Variants in MAP2 observed in about 807,000 individuals in gnomAD.
MAP2 encodes the protein microtubule-associated protein 2.
MAP2 carries 14 observed loss-of-function variants against 137.6 expected under a neutral mutation model. The ratio of observed to expected loss-of-function variants is 0.10; its 90% CI spans 0.07 to 0.16. The LOEUF (loss-of-function observed/expected upper bound fraction) is 0.16. Ranked by LOEUF, MAP2 falls within the 10% of genes least tolerant of loss-of-function variation. MAP2 has a pLI of 1.00. For synonymous variants in MAP2, 786 were observed against 782.3 expected (o/e 1.00, Z -0.08); for missense variants, 2,088 against 2,191.5 (o/e 0.95, Z 0.94).
At chr2:209,455,790 C>T (rs1172482604) in intron 1 of MAP2, among the ~76,000 whole-genome samples, 1 of 152,112 alleles carries the variant, frequency 6.6e-6, no homozygotes, top group Non-Finnish European at 1.5e-5. Flanking sequence ...TAACTGGATT[C>T]TCATTCTTAA....
At chr2:209,679,428 T>C (rs2053549703) in intron 6 of MAP2, among the ~76,000 whole-genome samples, 1 of 151,994 alleles carries the variant, frequency 6.6e-6, no homozygotes, top group Non-Finnish European at 1.5e-5. Flanking sequence ...GAGATGGATG[T>C]ATATACACAA....
At position 209,455,014 on chromosome 2, in the gene MAP2, G is replaced by A. The variant is rs554383486; in HGVS notation, c.-222+30738G>A. On this transcript the variant is annotated intron_variant, in intron 1 of 15. Transcript: ENST00000682079. ...CTTCTTGCTGTGTCCCCACATGGTG[G>A]AGAAAGGGGGAAAGCAAGCTCTCTC... Among the ~76,000 whole-genome samples the A allele has an allele frequency of 2.6e-5, 4 of 152,276 alleles. No individual in the cohort carries two copies. In the East Asian group the frequency reaches 7.7e-4, roughly 29 times the overall value.
intron 2 of MAP2, among the ~76,000 whole-genome samples, chr2:209,519,423 A>T (rs112675149): frequency 6.6e-6 from 1 of 152,060 alleles, no homozygotes; most frequent in Non-Finnish European, 1.5e-5. Context: ...AAGTTTTGCA[A>T]CTTGGAGCAA....
intron 3 of MAP2, among the ~76,000 whole-genome samples, chr2:209,583,487 T>G (rs2077000114): frequency 6.6e-6 from 1 of 151,918 alleles, no homozygotes; most frequent in Non-Finnish European, 1.5e-5. Context: ...TTTTTTTTTC[T>G]TTTTAAAGTG....
intron 2 of MAP2, among the ~76,000 whole-genome samples, chr2:209,508,484 C>T (rs1412657890): frequency 6.6e-6 from 1 of 151,838 alleles, no homozygotes; most frequent in Non-Finnish European, 1.5e-5. Context: ...CAGTGTCTGT[C>T]ATATAACAGG....
intron 1 of MAP2, among the ~76,000 whole-genome samples, chr2:209,426,434 G>C (rs7569773): frequency 0.57 from 85,839 of 151,918 alleles, 26,103 homozygotes; most frequent in African/African-American, 0.79. Context: ...ACTGCCATAG[G>C]AGGGCCAGTG....
intron 3 of MAP2, among the ~76,000 whole-genome samples, chr2:209,584,157 A>G (rs2153412443): frequency 6.6e-6 from 1 of 152,088 alleles, no homozygotes; most frequent in East Asian, 1.9e-4. Context: ...CATATTATGG[A>G]TAATTTATTA....
intron 3 of MAP2, among the ~76,000 whole-genome samples, chr2:209,601,250 C>T (rs569333505): frequency 5.9e-5 from 9 of 151,572 alleles, no homozygotes; most frequent in South Asian, 2.1e-4. Context: ...TATGGTTATG[C>T]GTAGTCAATC....
chr2:209,703,246 A>G (rs887700915), intron 11 of MAP2, among the ~76,000 whole-genome samples: 1 of 152,174 alleles, frequency 6.6e-6, no homozygotes, highest in Non-Finnish European at 1.5e-5. Flanking sequence ...AACAAATTAT[A>G]TATAAACTCT....
intron 3 of MAP2, among the ~76,000 whole-genome samples, chr2:209,623,795 C>A (rs1486504793): frequency 6.6e-6 from 1 of 152,018 alleles, no homozygotes; most frequent in Non-Finnish European, 1.5e-5. Flanking sequence ...GACGGTCAGA[C>A]CTTTCTTTTT....
intron 3 of MAP2, among the ~76,000 whole-genome samples, chr2:209,591,332 C>G (rs191813969): frequency 2.0e-5 from 3 of 152,322 alleles, no homozygotes; most frequent in Middle Eastern, 3.4e-3. Context: ...AGGGATGCTG[C>G]TAAACCTCCT....
At chr2:209,645,983 C>T (rs1019866231) in intron 4 of MAP2, among the ~76,000 whole-genome samples, 4 of 151,982 alleles carry the variant, frequency 2.6e-5, no homozygotes, top group Non-Finnish European at 5.9e-5. Context: ...CTTAGGAGTT[C>T]AAGACAAGCC....
At chr2:209,436,030 A>ATACTGTATATAT in intron 1 of MAP2, among the ~76,000 whole-genome samples, 1 of 137,320 alleles carries the variant, frequency 7.3e-6, no homozygotes, top group Admixed American at 7.9e-5. Context: ...TATAAAATAT[A>ATACTGTATATAT]TATATATGTA....
intron 4 of MAP2, among the ~76,000 whole-genome samples, chr2:209,627,475 G>A (rs1008691294): frequency 2.0e-5 from 3 of 152,026 alleles, no homozygotes; most frequent in Non-Finnish European, 4.4e-5. Flanking sequence ...AGTCTCTTAG[G>A]TCAGAAATGC....
intron 2 of MAP2, among the ~76,000 whole-genome samples, chr2:209,546,019 T>C (rs1226832930): frequency 2.0e-5 from 3 of 152,160 alleles, no homozygotes; most frequent in Non-Finnish European, 2.9e-5. Context: ...GGCAGGTACC[T>C]GTAGTCCCAG....
At chr2:209,453,873 C>T (rs766009107) in intron 1 of MAP2, among the ~76,000 whole-genome samples, 19 of 151,888 alleles carry the variant, frequency 1.3e-4, no homozygotes, top group African/African-American at 2.9e-4. Context: ...GAGGACAGGC[C>T]GGGTGTCGTG....
At chr2:209,684,438 G>A (rs1559551641) in intron 7 of MAP2, among the ~76,000 whole-genome samples, 1 of 152,152 alleles carries the variant, frequency 6.6e-6, no homozygotes, top group Admixed American at 6.5e-5. Context: ...ATGTAAGTGC[G>A]GCCAGCAGCC....
At chr2:209,714,117 C>G (rs1008318732) in intron 13 of MAP2, among the ~76,000 whole-genome samples, 5 of 152,124 alleles carry the variant, frequency 3.3e-5, no homozygotes. Context: ...AGGAGAATTG[C>G]TTGAACCCAG....
intron 2 of MAP2, among the ~76,000 whole-genome samples, chr2:209,560,884 A>G (rs1051866854): frequency 6.6e-6 from 1 of 152,190 alleles, no homozygotes; most frequent in African/African-American, 2.4e-5. Context: ...AAACTCTTAA[A>G]AATAACTTAC....
Sources: allele counts gnomAD v4.1 joint callset (sites outside exome capture counted in the v4.1 genomes callset), GRCh38; gene constraint gnomAD v4.1.1; transcripts MANE v1.5; gene names NCBI Gene and HGNC (gene_info 2026-07-23, HGNC 2026-07-21).